GALNT13: variants seen among roughly 807,000 people sequenced by gnomAD.
GALNT13 encodes the protein UDP-GalNAc:polypeptide N-acetylgalactosaminyltransferase 13.
In GALNT13, 28 loss-of-function variants were observed where a neutral mutation model predicts 64.2. The observed-to-expected ratio is 0.44, with a 90% confidence interval of 0.32 to 0.60. The LOEUF (loss-of-function observed/expected upper bound fraction) is 0.60, where lower values mean the gene tolerates loss of function less well. Ranked by LOEUF, GALNT13 falls within the 20% of genes least tolerant of loss-of-function variation. The pLI is 0.05. For synonymous variants in GALNT13, 214 were observed against 224.6 expected (o/e 0.95, Z 0.42); for missense variants, 577 against 669.8 (o/e 0.86, Z 1.53).
chr2:154,227,231 C>T (rs1321280632), intron 4 of GALNT13, among the ~76,000 whole-genome samples: 3 of 152,042 alleles, frequency 2.0e-5, no homozygotes, highest in Non-Finnish European at 2.9e-5. Context: ...GGCTGTCTCA[C>T]TGAGAAAAGG....
intron 9 of GALNT13, among the ~76,000 whole-genome samples, chr2:154,379,455 ATTTT>A (rs1698162389): frequency 6.6e-6 from 1 of 152,054 alleles, no homozygotes; most frequent in Non-Finnish European, 1.5e-5. Flanking sequence ...AGTGCAAATA[ATTTT>A]AAAGTAATTA....
the GALNT13 span, among the ~76,000 whole-genome samples, chr2:153,410,557 G>A: frequency 6.6e-6 from 1 of 152,132 alleles, no homozygotes; most frequent in Non-Finnish European, 1.5e-5. Context: ...TCAGAGAAGG[G>A]AGGAAAGAGA....
At chr2:153,590,502 C>T in the GALNT13 span, among the ~76,000 whole-genome samples, 1 of 152,102 alleles carries the variant, frequency 6.6e-6, no homozygotes, top group East Asian at 1.9e-4. Context: ...TACACTGATA[C>T]CAAAACCAGA....
At chr2:153,799,351 G>T in the GALNT13 span, among the ~76,000 whole-genome samples, 2 of 152,116 alleles carry the variant, frequency 1.3e-5, no homozygotes, top group African/African-American at 4.8e-5. Flanking sequence ...CAGACCCTGT[G>T]TACCTTCCCC....
chr2:153,114,864 A>G, the GALNT13 span, among the ~76,000 whole-genome samples: 1 of 151,670 alleles, frequency 6.6e-6, no homozygotes, highest in African/African-American at 2.4e-5. Context: ...ATAGAACAGT[A>G]TAGCATAGTA....
intron 9 of GALNT13, among the ~76,000 whole-genome samples, chr2:154,384,273 C>G (rs2105337862): frequency 6.6e-6 from 1 of 151,948 alleles, no homozygotes; most frequent in African/African-American, 2.4e-5. Flanking sequence ...GCACTGTTGT[C>G]TCAAATTCTG....
chr2:153,948,164 C>CT (rs928063786), intron 3 of GALNT13, among the ~76,000 whole-genome samples: 10 of 150,890 alleles, frequency 6.6e-5, no homozygotes, highest in African/African-American at 9.7e-5. Flanking sequence ...GACTTTTGGG[C>CT]TTTTTTTGGT....
At chr2:153,582,979 G>A in the GALNT13 span, among the ~76,000 whole-genome samples, 1 of 152,110 alleles carries the variant, frequency 6.6e-6, no homozygotes, top group Admixed American at 6.6e-5. Context: ...GCTAGGTACT[G>A]GAAATAAAAT....
downstream of GALNT13, among the ~76,000 whole-genome samples, chr2:154,454,157 AAC>A (rs901474567): frequency 6.6e-6 from 1 of 152,272 alleles, no homozygotes; most frequent in African/African-American, 2.4e-5. Context: ...CAATGGAATA[AAC>A]ACAGAGATTT....
At chr2:153,887,458 G>T (rs1044889062) in intron 1 of GALNT13, among the ~76,000 whole-genome samples, 1 of 151,540 alleles carries the variant, frequency 6.6e-6, no homozygotes, top group African/African-American at 2.4e-5. Flanking sequence ...AGGAGTTAAA[G>T]ATGGGACTGA....
At chr2:154,091,382 T>C (rs573696796) in intron 3 of GALNT13, among the ~76,000 whole-genome samples, 1 of 151,940 alleles carries the variant, frequency 6.6e-6, no homozygotes, top group African/African-American at 2.4e-5. Context: ...TAAAACATGG[T>C]CCATTTTGAA....
At chr2:153,073,016 A>G in the GALNT13 span, among the ~76,000 whole-genome samples, 2 of 152,250 alleles carry the variant, frequency 1.3e-5, no homozygotes, top group African/African-American at 4.8e-5. Flanking sequence ...ACCATTGTCT[A>G]GCACTTATAT....
At chr2:153,412,156 A>C in the GALNT13 span, among the ~76,000 whole-genome samples, 2 of 152,270 alleles carry the variant, frequency 1.3e-5, no homozygotes, top group African/African-American at 4.8e-5. Flanking sequence ...TCAAGCTTGC[A>C]GACAGCCTAT....
At chr2:153,361,945 G>A in the GALNT13 span, among the ~76,000 whole-genome samples, 1 of 152,240 alleles carries the variant, frequency 6.6e-6, no homozygotes, top group South Asian at 2.1e-4. Flanking sequence ...TGGAATGAAG[G>A]AGAAAGTACT....
intron 3 of GALNT13, among the ~76,000 whole-genome samples, chr2:154,050,543 A>C (rs1392427669): frequency 1.3e-5 from 2 of 152,106 alleles, no homozygotes; most frequent in Admixed American, 1.3e-4. Flanking sequence ...ACCACTCTTC[A>C]CTTTTTTTTT....
At chr2:153,650,782 C>T in the GALNT13 span, among the ~76,000 whole-genome samples, 1,450 of 152,166 alleles carry the variant, frequency 9.5e-3, 23 homozygotes, top group African/African-American at 0.033. Flanking sequence ...TTTGGAGTGT[C>T]CCTCCAGCAA....
chr2:153,252,699 GT>G, the GALNT13 span, among the ~76,000 whole-genome samples: 2 of 152,218 alleles, frequency 1.3e-5, no homozygotes, highest in African/African-American at 4.8e-5. Context: ...TGGCTAGCCA[GT>G]TTTCTCAGCA....
the GALNT13 span, among the ~76,000 whole-genome samples, chr2:153,146,780 C>T: frequency 6.6e-6 from 1 of 151,858 alleles, no homozygotes; most frequent in Non-Finnish European, 1.5e-5. Flanking sequence ...CACAGATATT[C>T]ATAGAATATT....
chr2:154,049,190 C>A (rs888952781), intron 3 of GALNT13, among the ~76,000 whole-genome samples: 1 of 151,852 alleles, frequency 6.6e-6, no homozygotes, highest in Non-Finnish European at 1.5e-5. Flanking sequence ...TCATCTGATA[C>A]ACTGATACAC....
Sources: gnomAD v4.1 joint callset for allele counts (sites outside exome capture counted in the v4.1 genomes callset) on GRCh38, gnomAD v4.1.1 for gene constraint, MANE v1.5 for transcripts, NCBI Gene and HGNC (gene_info 2026-07-23, HGNC 2026-07-21) for gene names.